Variants in NCAM2 observed in about 807,000 individuals in gnomAD.
NCAM2 encodes the protein N-CAM-2.
A neutral mutation model predicts 98.1 loss-of-function variants in NCAM2; 30 were observed. That is an observed-to-expected ratio of 0.31 (90% CI 0.23 to 0.41). The LOEUF is 0.41. Ranked by LOEUF, NCAM2 falls within the 10% of genes least tolerant of loss-of-function variation. NCAM2 has a pLI of 1.00. For synonymous variants in NCAM2, 368 were observed against 342.4 expected (o/e 1.07, Z -0.83); for missense variants, 867 against 1,005.8 (o/e 0.86, Z 1.87).
At position 21,373,914 on chromosome 21, in the gene NCAM2, C is replaced by T; in HGVS notation, c.1096C>T (p.His366Tyr). The T allele has an allele frequency of 6.2e-7, 1 of 1,610,872 alleles. No homozygotes were observed. Among genetic ancestry groups the T allele is most frequent in the Non-Finnish European group, 8.5e-7 (1 of 1,178,098 alleles). ...AGGGCAGCATGGAAGCTCATCACTG[C>T]ATATTAAAGATGTGAAGTTGTCAGA... The part of the protein sequence containing the change: ...VKGQHGSSSL[H>Y]IKDVKLSDSG... Residue 366 changes from histidine (H) to tyrosine (Y), a missense_variant, in exon 9 of 18, where the codon CAT (histidine) becomes TAT (tyrosine). This residue lies in a region of NCAM2 where 447 missense variants were observed against 495.7 expected (regional missense o/e 0.90). Coordinates refer to ENST00000400546, the MANE Select transcript of NCAM2 (RefSeq NM_004540.5).
Position 21,411,566 on chromosome 21 carries a change from G to A in NCAM2, c.1383+1105G>A, listed in dbSNP as rs148210154. 2.9e-3 allele frequency among the ~76,000 whole-genome samples: 435 copies of A among 151,832 alleles called. 9 individuals are homozygous for A. The highest frequency in any genetic ancestry group is 0.025 in the Admixed American group (387 of 15,240). Reference sequence around the variant, plus strand: ...GGAGTGTATGTGTGTATCAATTTCCGAAACATAAAAAAATCTATGAAAATG... The same window carrying A: ...GGAGTGTATGTGTGTATCAATTTCCAAAACATAAAAAAATCTATGAAAATG... On this transcript the variant is annotated intron_variant, in intron 10 of 17. Transcript: ENST00000400546.
chr21:21,480,755 A>C (rs1164355323), intron 15 of NCAM2, among the ~76,000 whole-genome samples: 1 of 152,214 alleles, frequency 6.6e-6, no homozygotes, highest in Non-Finnish European at 1.5e-5. Context: ...CGGTAGAAAA[A>C]ATAAAAGAAC....
intron 1 of NCAM2, among the ~76,000 whole-genome samples, chr21:21,150,826 A>G (rs1290787220): frequency 6.6e-6 from 1 of 151,722 alleles, no homozygotes; most frequent in East Asian, 1.9e-4. Context: ...ATTAATTGGG[A>G]AGTGTTCTCT....
intron 1 of NCAM2, among the ~76,000 whole-genome samples, chr21:21,172,242 C>T (rs552660736): frequency 6.6e-6 from 1 of 151,798 alleles, no homozygotes; most frequent in East Asian, 1.9e-4. Context: ...GAACCTCAGG[C>T]CAAAAATTTT....
At chr21:21,278,592 A>T (rs2072815865) in intron 1 of NCAM2, among the ~76,000 whole-genome samples, 1 of 152,088 alleles carries the variant, frequency 6.6e-6, no homozygotes, top group Non-Finnish European at 1.5e-5. Context: ...TTGAACATTT[A>T]TTGAGCCTCT....
chr21:21,484,717 T>C (rs1435361153), intron 15 of NCAM2, among the ~76,000 whole-genome samples: 1 of 152,230 alleles, frequency 6.6e-6, no homozygotes, highest in Admixed American at 6.5e-5. Flanking sequence ...CTTTTTCTCC[T>C]TCCCCCAATT....
intron 1 of NCAM2, among the ~76,000 whole-genome samples, chr21:21,050,448 A>T (rs907673644): frequency 1.3e-5 from 2 of 152,172 alleles, no homozygotes; most frequent in African/African-American, 2.4e-5. Context: ...AGGCACATTG[A>T]TTGATACTGC....
intron 16 of NCAM2, among the ~76,000 whole-genome samples, chr21:21,532,832 C>A (rs922014906): frequency 1.3e-5 from 2 of 152,216 alleles, no homozygotes; most frequent in East Asian, 1.9e-4. Context: ...GGCTCTTCAT[C>A]CATCTTTACT....
At chr21:21,535,827 C>G (rs1011003053) in intron 17 of NCAM2, among the ~76,000 whole-genome samples, 1 of 151,862 alleles carries the variant, frequency 6.6e-6, no homozygotes, top group Non-Finnish European at 1.5e-5. Flanking sequence ...AATTAATCAC[C>G]AATATAAAAT....
chr21:21,407,765 T>C (rs1054513752), intron 9 of NCAM2, among the ~76,000 whole-genome samples: 2 of 152,208 alleles, frequency 1.3e-5, no homozygotes, highest in Non-Finnish European at 2.9e-5. Context: ...TATTTGTAAT[T>C]ATATTTTCCT....
intron 1 of NCAM2, among the ~76,000 whole-genome samples, chr21:21,037,963 G>A (rs11911455): frequency 9.2e-5 from 14 of 152,266 alleles, no homozygotes; most frequent in African/African-American, 3.4e-4. Context: ...TCAACATTTT[G>A]TCTTGTAATA....
chr21:21,047,976 T>C (rs2065033125), intron 1 of NCAM2, among the ~76,000 whole-genome samples: 1 of 152,176 alleles, frequency 6.6e-6, no homozygotes, highest in East Asian at 1.9e-4. Flanking sequence ...CCCCAAAATA[T>C]ATTTCCTTGG....
chr21:21,483,835 T>C (rs1986110362), intron 15 of NCAM2, among the ~76,000 whole-genome samples: 1 of 152,146 alleles, frequency 6.6e-6, no homozygotes, highest in Admixed American at 6.5e-5. Context: ...GACATATGTC[T>C]GGAGTTTGCT....
Position 21,002,363 on chromosome 21 carries a change from A to G in NCAM2, c.55+3745A>G, listed in dbSNP as rs558615539. Among the ~76,000 whole-genome samples, 6 of 152,252 alleles carry G rather than the reference A, an allele frequency of 3.9e-5. No homozygotes were observed. The South Asian group carries it at 1.0e-3, about 26-fold the overall frequency. On this transcript the variant is annotated intron_variant, in intron 1 of 17. Transcript: ENST00000400546. ...TACTAGAGAAGCAATTAATGGAACAAAAGAACCTCATTCAGTACCAAAAGT... is the reference window on the plus strand; with the variant it reads ...TACTAGAGAAGCAATTAATGGAACAGAAGAACCTCATTCAGTACCAAAAGT...
intron 1 of NCAM2, among the ~76,000 whole-genome samples, chr21:21,209,345 A>G (rs1334299176): frequency 1.3e-5 from 2 of 152,196 alleles, no homozygotes; most frequent in East Asian, 3.9e-4. Flanking sequence ...CTTCCCAGAT[A>G]GCTCCGACTA....
intron 5 of NCAM2, among the ~76,000 whole-genome samples, chr21:21,304,349 T>C (rs8128815): frequency 0.71 from 107,103 of 151,214 alleles, 38,389 homozygotes; most frequent in South Asian, 0.82. Context: ...GGCATGTGAA[T>C]GTCCGATTTT....
intron 15 of NCAM2, among the ~76,000 whole-genome samples, chr21:21,503,891 T>C (rs1305866376): frequency 6.6e-6 from 1 of 151,906 alleles, no homozygotes; most frequent in African/African-American, 2.4e-5. Flanking sequence ...TATTCAATTA[T>C]GAAGCCCATT....
At position 21,197,679 on chromosome 21, in the gene NCAM2, C is replaced by A. The variant is rs535765826; in HGVS notation, c.56-82899C>A. ...GGACTTTGCAAGGTCTAACACATAT[C>A]GTTTCTGTGTTTTCTCTTATGAAGG... On this transcript the variant is annotated intron_variant, in intron 1 of 17. Transcript: ENST00000400546. 8.3e-4 allele frequency among the ~76,000 whole-genome samples: 126 copies of A among 152,098 alleles called. 2 individuals are homozygous for A. Among genetic ancestry groups the A allele is most frequent in the Non-Finnish European group, 3.2e-4 (22 of 68,018 alleles).
chr21:21,000,832 G>C (rs924087414), intron 1 of NCAM2, among the ~76,000 whole-genome samples: 3 of 152,102 alleles, frequency 2.0e-5, no homozygotes, highest in South Asian at 2.1e-4. Context: ...CTCTATGCTA[G>C]TGTTTTGTTC....
Sources: gnomAD v4.1 joint callset for allele counts (sites outside exome capture counted in the v4.1 genomes callset) on GRCh38, gnomAD v4.1.1 for gene constraint, gnomAD v4.1.1 regional missense constraint, MANE v1.5 for transcripts, NCBI Gene and HGNC (gene_info 2026-07-23, HGNC 2026-07-21) for gene names.